COBL: variants seen among roughly 807,000 people sequenced by gnomAD.
COBL encodes cordon-bleu WH2 repeat protein.
Under a neutral mutation model 98.8 loss-of-function variants are expected in COBL, and 51 were observed. That is an observed-to-expected ratio of 0.52 (90% CI 0.41 to 0.65). The LOEUF is 0.65. COBL is among the 30% of genes least tolerant of loss of function. The pLI, the probability that COBL is intolerant of heterozygous loss-of-function variation, is 0.00. For missense variants in COBL, 1,617 were observed against 1,617.5 expected (o/e 1.00, Z 0.01); for synonymous variants, 634 against 651.7 (o/e 0.97, Z 0.41).
At chr7:51,212,870 G>A (rs999713499) in intron 2 of COBL, among the ~76,000 whole-genome samples, 5 of 152,196 alleles carry the variant, frequency 3.3e-5, no homozygotes, top group African/African-American at 4.8e-5. Context: ...AAGTTCTCAA[G>A]TGAGGCCATT....
Position 51,025,373 on chromosome 7 carries a change from C to T in COBL, c.3505-1G>A. On this transcript the variant is annotated splice_acceptor_variant, in intron 11 of 12. Coordinates refer to ENST00000265136, the MANE Select transcript of COBL (RefSeq NM_015198.5). LOFTEE classifies it high-confidence loss of function. ...GCTCCTCAGAAGCAGAGGATGCCAC[C>T]TGGCAATGAGATGATTAAATGACTG... 6.2e-7 allele frequency: 1 copy of T among 1,613,196 alleles called. No individual in the cohort carries two copies.
At chr7:51,099,934 G>A (rs1394488775) in intron 6 of COBL, among the ~76,000 whole-genome samples, 2 of 152,134 alleles carry the variant, frequency 1.3e-5, no homozygotes, top group African/African-American at 2.4e-5. Context: ...CTAGAGGCTG[G>A]TGTGATGTGG....
At chr7:51,034,533 G>A (rs1027616225) in intron 8 of COBL, 3 of 152,260 alleles carry the variant, frequency 2.0e-5, no homozygotes, top group African/African-American at 7.2e-5. Flanking sequence ...AGGAGGGAGA[G>A]ACAGCAGTAT....
At chr7:51,246,423 T>C (rs560450607) in intron 1 of COBL, among the ~76,000 whole-genome samples, 14 of 152,232 alleles carry the variant, frequency 9.2e-5, no homozygotes, top group African/African-American at 3.1e-4. Flanking sequence ...CTGCCCATCC[T>C]CTCATCCCAC....
At chr7:51,158,663 A>G (rs1167659468) in intron 5 of COBL, among the ~76,000 whole-genome samples, 8 of 152,064 alleles carry the variant, frequency 5.3e-5, no homozygotes, top group Non-Finnish European at 1.2e-4. Flanking sequence ...GGAGGCTGGG[A>G]AAGTGTCCGC....
chr7:51,291,770 A>AT (rs1800924196), intron 1 of COBL, among the ~76,000 whole-genome samples: 1 of 152,112 alleles, frequency 6.6e-6, no homozygotes. Flanking sequence ...CAAAAAAAAA[A>AT]GTAAGATTTA....
At chr7:51,137,853 T>C (rs1379726514) in intron 5 of COBL, among the ~76,000 whole-genome samples, 1 of 152,194 alleles carries the variant, frequency 6.6e-6, no homozygotes, top group Non-Finnish European at 1.5e-5. Context: ...ATATTTTACA[T>C]AATAAGCTTG....
chr7:51,172,636 G>T, intron 5 of COBL: 1 of 689,594 alleles, frequency 1.5e-6, no homozygotes, highest in Non-Finnish European at 2.1e-6. Flanking sequence ...CCACAAGGCA[G>T]CAAACCCTTC....
intron 5 of COBL, among the ~76,000 whole-genome samples, chr7:51,162,447 C>T (rs1323061626): frequency 6.6e-6 from 1 of 152,148 alleles, no homozygotes; most frequent in Admixed American, 6.5e-5. Flanking sequence ...ACTTCAGTTT[C>T]TAAGAAATTC....
chr7:51,250,760 C>T (rs1273103934), intron 1 of COBL, among the ~76,000 whole-genome samples: 1 of 152,160 alleles, frequency 6.6e-6, no homozygotes, highest in Non-Finnish European at 1.5e-5. Flanking sequence ...CAGTCCTTCA[C>T]ACACAAAGCT....
chr7:51,119,283 C>T (rs960611131), intron 6 of COBL, among the ~76,000 whole-genome samples: 4 of 152,008 alleles, frequency 2.6e-5, no homozygotes, highest in Non-Finnish European at 4.4e-5. Context: ...ATATATATGG[C>T]GACACATTTT....
chr7:51,133,524 C>T (rs1798943060), intron 6 of COBL, among the ~76,000 whole-genome samples: 1 of 152,186 alleles, frequency 6.6e-6, no homozygotes, highest in African/African-American at 2.4e-5. Flanking sequence ...CCATCCAGAC[C>T]TACTGAATCA....
chr7:51,211,785 A>G (rs1792459260), intron 2 of COBL, among the ~76,000 whole-genome samples: 1 of 152,238 alleles, frequency 6.6e-6, no homozygotes, highest in South Asian at 2.1e-4. Context: ...GACTAGGTCT[A>G]GGGCTCTCCC....
At chr7:51,301,159 T>A (rs1313279485) in intron 1 of COBL, among the ~76,000 whole-genome samples, 1 of 152,170 alleles carries the variant, frequency 6.6e-6, no homozygotes, top group Non-Finnish European at 1.5e-5. Context: ...CCTCCGGCGC[T>A]GCCCTGGGCC....
At chr7:51,268,816 G>GCTA (rs2129160091) in intron 1 of COBL, among the ~76,000 whole-genome samples, 1 of 151,944 alleles carries the variant, frequency 6.6e-6, no homozygotes, top group East Asian at 1.9e-4. Context: ...TGTAGTCCCA[G>GCTA]CTACTCAGGA....
chr7:51,234,577 T>C (rs940235134), intron 1 of COBL, among the ~76,000 whole-genome samples: 1 of 151,886 alleles, frequency 6.6e-6, no homozygotes, highest in East Asian at 1.9e-4. Context: ...GGTGTGTGCC[T>C]GTAGCCCCAA....
chr7:51,107,964 T>A (rs1796462446), intron 6 of COBL, among the ~76,000 whole-genome samples: 1 of 152,196 alleles, frequency 6.6e-6, no homozygotes, highest in African/African-American at 2.4e-5. Flanking sequence ...CCTCCTGCAG[T>A]GTCATCCTTC....
chr7:51,019,367 G>A (rs1786690493), intron 12 of COBL, among the ~76,000 whole-genome samples: 1 of 152,104 alleles, frequency 6.6e-6, no homozygotes, highest in African/African-American at 2.4e-5. Flanking sequence ...TGGAAGGGAA[G>A]GCAAGCATCC....
chr7:51,044,918 T>G (rs1303788553), intron 7 of COBL, among the ~76,000 whole-genome samples: 1 of 152,150 alleles, frequency 6.6e-6, no homozygotes, highest in Non-Finnish European at 1.5e-5. Context: ...GAACAACAGT[T>G]TAAAGAATAT....
Sources: gnomAD v4.1 joint callset for allele counts (sites outside exome capture counted in the v4.1 genomes callset) on GRCh38, gnomAD v4.1.1 for gene constraint, MANE v1.5 for transcripts, NCBI Gene and HGNC (gene_info 2026-07-23, HGNC 2026-07-21) for gene names.